Variants in ARHGEF40 observed in about 807,000 individuals in gnomAD.
ARHGEF40 encodes the protein Rho guanine nucleotide exchange factor 40.
ARHGEF40 carries 98 observed loss-of-function variants against 165.9 expected under a neutral mutation model. That is an observed-to-expected ratio of 0.59 (90% CI 0.50 to 0.70). The LOEUF is 0.70. Among genes scored for constraint, ARHGEF40 ranks in the 30% least tolerant of loss-of-function variants. ARHGEF40 has a pLI of 0.00. For synonymous variants in ARHGEF40, 792 were observed against 814.3 expected, an observed-to-expected ratio of 0.97 and a Z score of 0.47; for missense variants, 1,815 against 1,968.0, an observed-to-expected ratio of 0.92 and a Z score of 1.47.
Position 21,074,020 on chromosome 14 carries a change from G to A in ARHGEF40, c.290G>A (p.Trp97Ter). Residue 97 changes from tryptophan (W) to a stop codon, truncating the protein, a stop_gained, in exon 3 of 24, where the codon TGG (tryptophan) becomes TAG (stop). Transcript: ENST00000298694. LOFTEE classifies it high-confidence loss of function. The surrounding 1 kb of genome is among the most constrained non-coding windows in gnomAD (Gnocchi z 4.8). ...GTGGTGCAGCTAGCAGCCCTACCCTGGCAACTGCTGCGCCCAGGAGACTTC... is the reference window on the plus strand; with the variant it reads ...GTGGTGCAGCTAGCAGCCCTACCCTAGCAACTGCTGCGCCCAGGAGACTTC... ...QVVVQLAALP[W>*]QLLRPGDFYL... The A allele has an allele frequency of 6.2e-7, 1 of 1,613,984 alleles. No homozygotes were observed.
chr14:21,073,989 C>G lies in ARHGEF40; in HGVS notation c.259C>G (p.Gln87Glu). ...GGGGTGGCCGCTCTGCCTGCATGAA[C>G]AGGTGGTGGTGCAGCTAGCAGCCCT... ...HEGWPLCLHE[Q>E]VVVQLAALPW... The change falls in exon 3 of 24, where the codon CAG becomes GAG. Residue 87 changes from glutamine (Q) to glutamate (E), a missense_variant. Gln to Glu is a conservative substitution (Grantham distance 29). Coordinates refer to ENST00000298694, the MANE Select transcript of ARHGEF40 (RefSeq NM_018071.5). The surrounding 1 kb of genome is among the most constrained non-coding windows in gnomAD (Gnocchi z 4.6). 2 of 1,612,942 alleles carry G rather than the reference C, an allele frequency of 1.2e-6. No homozygotes were observed. Among genetic ancestry groups the G allele is most frequent in the Non-Finnish European group, 1.7e-6 (2 of 1,179,960 alleles).
upstream of ARHGEF40, among the ~76,000 whole-genome samples, chr14:21,066,530 T>C (rs571062741): frequency 2.6e-5 from 4 of 152,058 alleles, no homozygotes; most frequent in African/African-American, 9.7e-5. Context: ...ATGTTGGGGT[T>C]TCCCCATGTT....
chr14:21,071,588 G>A (rs1886874704), intron 1 of ARHGEF40, among the ~76,000 whole-genome samples: 1 of 151,044 alleles, frequency 6.6e-6, no homozygotes, highest in African/African-American at 2.4e-5. Context: ...GCTCCCGCCC[G>A]CCGCCTCCCT....
chr14:21,075,369 A>AACACCTCC lies in ARHGEF40; in HGVS notation c.1489_1496dup (p.Leu500HisfsTer30). ...CAGAAGGCCCCCTGTCTGACACTCC[A>AACACCTCC]ACACCTCCGCTGGAGACTGTGCAGG... On this transcript the variant is annotated frameshift_variant, in exon 4 of 24. Coordinates refer to ENST00000298694, the MANE Select transcript of ARHGEF40 (RefSeq NM_018071.5). LOFTEE classifies it high-confidence loss of function. This position sits in a 1 kb window ranked among gnomAD's most constrained non-coding sequence, Gnocchi z 4.5. The AACACCTCC allele has an allele frequency of 6.2e-7, 1 of 1,614,124 alleles. No homozygotes were observed. The highest frequency in any genetic ancestry group is 8.5e-7 in the Non-Finnish European group (1 of 1,180,038).
In ARHGEF40 at chr14:21,081,755, C is replaced by T. The variant is rs535382451; in HGVS notation, c.2887C>T (p.Arg963Trp). ...QQHVGEEASP[R>W]GYRRRRADGA... ...ACACGTGGGAGAGGAGGCGAGCCCA[C>T]GGGGCTACCGACGACGGCGGGCAGA... Residue 963 changes from arginine (R) to tryptophan (W), a missense_variant, in exon 14 of 24, where the codon CGG (arginine) becomes TGG (tryptophan). Coordinates refer to ENST00000298694, the MANE Select transcript of ARHGEF40 (RefSeq NM_018071.5). The T allele has an allele frequency of 3.4e-5, 54 of 1,586,036 alleles. No individual in the cohort carries two copies. The Admixed American group carries it at 5.6e-4, about 16-fold the overall frequency.
At position 21,070,957 on chromosome 14, in the gene ARHGEF40, C is replaced by G. The variant is rs1401304558; in HGVS notation, c.3+558C>G. The G allele has an allele frequency of 8.1e-7, 1 of 1,239,022 alleles. No individual in the cohort carries two copies. The highest frequency in any genetic ancestry group is 1.1e-6 in the Non-Finnish European group (1 of 881,464). 76.8% of individuals were successfully genotyped at this position (1,239,022 alleles called of 1,614,324 possible). A position where few individuals can be genotyped will look rare whatever the true frequency, so the allele number is the denominator to read the frequency against. On this transcript the variant is annotated intron_variant, in intron 1 of 23. Transcript: ENST00000298694. The surrounding 1 kb of genome is among the most constrained non-coding windows in gnomAD (Gnocchi z 4.7). ...GGGCATGGCCAAAGAGGGAAATTCCCGCAGAGAAAAAGAGCTGCCTCAGGA... is the reference window on the plus strand; with the variant it reads ...GGGCATGGCCAAAGAGGGAAATTCCGGCAGAGAAAAAGAGCTGCCTCAGGA...
chr14:21,079,035 C>G, intron 11 of ARHGEF40, 25 bp downstream of exon 11: 1 of 1,603,568 alleles, frequency 6.2e-7, no homozygotes. Context: ...CCACGTCCCT[C>G]TTACTCAGCC....
At chr14:21,069,399 G>A (rs1886493004), upstream of ARHGEF40, among the ~76,000 whole-genome samples, 1 of 152,224 alleles carries the variant, frequency 6.6e-6, no homozygotes, top group African/African-American at 2.4e-5. Flanking sequence ...ACAGAAGGAA[G>A]GGGCTGGCAT....
upstream of ARHGEF40, among the ~76,000 whole-genome samples, chr14:21,069,545 G>GCGGA (rs1464761948): frequency 6.6e-6 from 1 of 152,226 alleles, no homozygotes; most frequent in Non-Finnish European, 1.5e-5. Context: ...CCCTACATAA[G>GCGGA]CATCCCGATC....
Position 21,087,003 on chromosome 14 carries a change from C to T in ARHGEF40, c.4141C>T (p.Leu1381Phe), listed in dbSNP as rs1219283674. ...LWRQAAHNKE[L>F]RVQQMVSMGI... Reference sequence around the variant, plus strand: ...TAACAAGTGTCCCTATTCCCCAGAGCTCCGAGTGCAGCAGATGGTGTCCAT... The same window carrying T: ...TAACAAGTGTCCCTATTCCCCAGAGTTCCGAGTGCAGCAGATGGTGTCCAT... The change falls in exon 20 of 24, where the codon CTC (leucine) becomes TTC (phenylalanine). Residue 1381 changes from leucine (L) to phenylalanine (F), a missense_variant and splice_region_variant. Physicochemically the swap from Leu to Phe is conservative, Grantham distance 22. Coordinates refer to ENST00000298694, the MANE Select transcript of ARHGEF40 (RefSeq NM_018071.5). 2 of 1,597,678 alleles carry T rather than the reference C, an allele frequency of 1.3e-6. No homozygotes were observed. The highest frequency in any genetic ancestry group is 1.7e-5 in the Admixed American group (1 of 57,378).
Position 21,074,392 on chromosome 14 carries a change from C to G in ARHGEF40, c.662C>G (p.Ala221Gly). The change falls in exon 3 of 24, where the codon GCG becomes GGG. Residue 221 changes from alanine (A) to glycine (G), a missense_variant. Physicochemically the swap from Ala to Gly is moderately conservative, Grantham distance 60 (BLOSUM62 0). Coordinates refer to ENST00000298694, the MANE Select transcript of ARHGEF40 (RefSeq NM_018071.5). The surrounding 1 kb of genome is among the most constrained non-coding windows in gnomAD (Gnocchi z 4.8). ...GLPSPPLPEE[A>G]LGTRSPGDGH... ...CCCAGCCCTCCACTTCCTGAGGAGG[C>G]GCTGGGTACCCGGAGTCCTGGGGAT... is the stretch of plus-strand genomic sequence containing the variant. 1 of 1,613,154 alleles carries G rather than the reference C, an allele frequency of 6.2e-7. No individual in the cohort carries two copies. The highest frequency in any genetic ancestry group is 8.5e-7 in the Non-Finnish European group (1 of 1,179,706).
intron 1 of ARHGEF40, among the ~76,000 whole-genome samples, chr14:21,071,358 G>T (rs1376942632): frequency 7.2e-5 from 11 of 152,116 alleles, no homozygotes; most frequent in Admixed American, 7.2e-4. Flanking sequence ...GGGGCCGCTC[G>T]CTGCAGAGTG....
At position 21,081,807 on chromosome 14, in the gene ARHGEF40, G is replaced by A; in HGVS notation, c.2939G>A (p.Trp980Ter). 1.2e-6 allele frequency: 2 copies of A among 1,602,564 alleles called. No homozygotes were observed. The highest frequency in any genetic ancestry group is 1.7e-6 in the Non-Finnish European group (2 of 1,175,724). ...GGTGCCAGCAGTGGAGGGGCCCAGTGGGGGCCCCGCAGCCCCTCGCCCAGC... is the reference window on the plus strand; with the variant it reads ...GGTGCCAGCAGTGGAGGGGCCCAGTAGGGGCCCCGCAGCCCCTCGCCCAGC... ...ADGASSGGAQ[W>*]GPRSPSPSLS... The change falls in exon 14 of 24, where the codon TGG becomes TAG. Residue 980 changes from tryptophan to a stop codon, truncating the protein, a stop_gained. Coordinates refer to ENST00000298694, the MANE Select transcript of ARHGEF40 (RefSeq NM_018071.5). LOFTEE classifies it high-confidence loss of function.
upstream of ARHGEF40, chr14:21,070,200 C>A (rs1413725666): frequency 3.5e-6 from 1 of 285,396 alleles, no homozygotes. This position sits in a 1 kb window ranked among gnomAD's most constrained non-coding sequence, Gnocchi z 4.7. Flanking sequence ...CGCTGAAGGG[C>A]GGGGCGGGGA....
At chr14:21,081,318 AGG>A in intron 13 of ARHGEF40, 189 bp from the exon 14 acceptor site, 1 of 841,270 alleles carries the variant, frequency 1.2e-6, no homozygotes, top group Non-Finnish European at 1.8e-6. Context: ...TCTTTTATAT[AGG>A]CTCTTCCATC....
rs750085764 is a variant in ARHGEF40, at chr14:21,076,629, C to T, written c.1903C>T (p.Leu635Phe). 1.9e-6 allele frequency: 3 copies of T among 1,614,024 alleles called. No homozygotes were observed. Among genetic ancestry groups the T allele is most frequent in the Non-Finnish European group, 2.5e-6 (3 of 1,179,850 alleles). ...ILIHDDLPTELCGFQGAEVLS... is the reference protein window; with the variant it reads ...ILIHDDLPTEFCGFQGAEVLS... ...CATTCATGATGACCTTCCAACTGAA[C>T]TCTGTGGATTTCAGGTTTGAGCCCT... Residue 635 changes from leucine to phenylalanine, a missense_variant, in exon 7 of 24, where the codon CTC becomes TTC. Coordinates refer to ENST00000298694, the MANE Select transcript of ARHGEF40 (RefSeq NM_018071.5).
In ARHGEF40 at chr14:21,074,540, G is replaced by C; in HGVS notation, c.810G>C (p.Thr270=). Residue 270 remains threonine, a synonymous_variant, in exon 3 of 24, where the codon ACG becomes ACC. Coordinates refer to ENST00000298694, the MANE Select transcript of ARHGEF40 (RefSeq NM_018071.5). This position sits in a 1 kb window ranked among gnomAD's most constrained non-coding sequence, Gnocchi z 4.8. The part of the protein sequence containing the change: ...EGSPGLSRVR[T]VPTRKGAGGK... ...CCCCAGGCCTCTCCAGAGTCCGGAC[G>C]GTACCCACCCGCAAGGGCGCTGGAG... The C allele has an allele frequency of 1.3e-6, 2 of 1,551,646 alleles. No individual in the cohort carries two copies. Among genetic ancestry groups the C allele is most frequent in the Non-Finnish European group, 1.7e-6 (2 of 1,148,620 alleles).
At chr14:21,067,372 C>T (rs4982403), upstream of ARHGEF40, among the ~76,000 whole-genome samples, 122,845 of 151,994 alleles carry the variant, frequency 0.81, 49,969 homozygotes, top group Admixed American at 0.87. Context: ...CTTTTTTAGC[C>T]TGATGGTTTG....
At position 21,074,684 on chromosome 14, in the gene ARHGEF40, TC is replaced by T. The variant is rs2139216184; in HGVS notation, c.959del (p.Pro320GlnfsTer31). The part of the protein sequence containing the change: ...GSSTGASPES[P>X]PGAEAVPEAA... Reference sequence around the variant, plus strand: ...GCAGCACCGGAGCCTCCCCTGAGTCTCCCCCAGGAGCTGAGGCTGTCCCAGA... The same window carrying T: ...GCAGCACCGGAGCCTCCCCTGAGTCTCCCCAGGAGCTGAGGCTGTCCCAGA... On this transcript the variant is annotated frameshift_variant, in exon 3 of 24. Transcript: ENST00000298694. LOFTEE classifies it high-confidence loss of function. The surrounding 1 kb of genome is among the most constrained non-coding windows in gnomAD (Gnocchi z 4.8). 1.3e-6 allele frequency: 2 copies of T among 1,579,332 alleles called. No homozygotes were observed. Among genetic ancestry groups the T allele is most frequent in the East Asian group, 2.3e-5 (1 of 43,066 alleles).
Sources: allele counts gnomAD v4.1 joint callset (sites outside exome capture counted in the v4.1 genomes callset), GRCh38; gene constraint gnomAD v4.1.1; non-coding constraint Gnocchi (gnomAD v3.1); transcripts MANE v1.5; gene names NCBI Gene and HGNC (gene_info 2026-07-23, HGNC 2026-07-21).